KCTD1: variants seen among roughly 807,000 people sequenced by gnomAD.
The protein encoded by KCTD1 is BTB/POZ domain-containing protein KCTD1.
A neutral mutation model predicts 66.0 loss-of-function variants in KCTD1; 24 were observed. The ratio of observed to expected loss-of-function variants is 0.36; its 90% CI spans 0.26 to 0.51. The LOEUF (loss-of-function observed/expected upper bound fraction) is 0.51. Among genes scored for constraint, KCTD1 ranks in the 20% least tolerant of loss-of-function variants. The probability of loss-of-function intolerance (pLI) is 0.95; values close to 1 mark genes in which losing one functional copy is unlikely to be tolerated. For synonymous variants in KCTD1, 511 were observed against 517.2 expected (o/e 0.99, Z 0.16); for missense variants, 943 against 1,205.2 (o/e 0.78, Z 3.22).
chr18:26,476,797 T>C lies in KCTD1; in HGVS notation c.1989-138A>G. On this transcript the variant is annotated intron_variant, in intron 2 of 4. Transcript: ENST00000580059. This position sits in a 1 kb window ranked among gnomAD's most constrained non-coding sequence, Gnocchi z 4.9. ...GGAAAAATTACGATTGTCTGCAAAG[T>C]GTTGGTCCCCGCTTGATAAATATCT... is the stretch of plus-strand genomic sequence containing the variant. 5.8e-6 allele frequency: 4 copies of C among 693,912 alleles called. No homozygotes were observed. The highest frequency in any genetic ancestry group is 9.8e-6 in the Non-Finnish European group (4 of 407,778). 43.0% of individuals were successfully genotyped at this position (693,912 alleles called of 1,614,324 possible).
intron 3 of KCTD1, among the ~76,000 whole-genome samples, chr18:26,465,079 T>C (rs1030794916): frequency 2.0e-5 from 3 of 152,204 alleles, no homozygotes; most frequent in African/African-American, 2.4e-5. Context: ...TAATACTCCT[T>C]TGGGCTGGAA....
intron 1 of KCTD1, among the ~76,000 whole-genome samples, chr18:26,615,947 C>A (rs374417137): frequency 6.6e-6 from 1 of 151,978 alleles, no homozygotes; most frequent in East Asian, 1.9e-4. Flanking sequence ...TCCGCCACCA[C>A]GCCCTGCTAA....
upstream of KCTD1, among the ~76,000 whole-genome samples, chr18:26,633,717 G>A (rs1015689917): frequency 3.7e-4 from 56 of 152,188 alleles, no homozygotes; most frequent in African/African-American, 1.3e-3. Flanking sequence ...ATTTATAGAA[G>A]CACAAAAGCA....
At chr18:26,592,459 T>C (rs1986630242) in intron 1 of KCTD1, among the ~76,000 whole-genome samples, 1 of 151,984 alleles carries the variant, frequency 6.6e-6, no homozygotes, top group African/African-American at 2.4e-5. Flanking sequence ...TCTGTGCCCA[T>C]CATTCCATGT....
chr18:26,576,184 C>T (rs575167573), intron 1 of KCTD1, among the ~76,000 whole-genome samples: 4 of 152,250 alleles, frequency 2.6e-5, no homozygotes, highest in East Asian at 1.9e-4. Flanking sequence ...CACCGTGTCT[C>T]GTAATTGTAT....
chr18:26,547,356 T>C lies in KCTD1; in HGVS notation c.1181A>G (p.Tyr394Cys). 1 of 1,551,440 alleles carries C rather than the reference T, an allele frequency of 6.4e-7. No individual in the cohort carries two copies. Among genetic ancestry groups the C allele is most frequent in the Non-Finnish European group, 8.7e-7 (1 of 1,146,810 alleles). Reference protein sequence around the residue: ...EFCPYASFVKYLSKRNPLCKA... With the variant: ...EFCPYASFVKCLSKRNPLCKA... ...GCAGAGAGGGTTGCGTTTCGACAGG[T>C]ACTTGACGAAGCTGGCGTAGGGGCA... is the stretch of plus-strand genomic sequence containing the variant. The change falls in exon 1 of 5, where the codon TAC (tyrosine) becomes TGC (cysteine). Residue 394 changes from tyrosine to cysteine, a missense_variant. Coordinates refer to ENST00000580059, the MANE Select transcript of KCTD1 (RefSeq NM_001142730.3).
intron 1 of KCTD1, among the ~76,000 whole-genome samples, chr18:26,604,490 C>T (rs1986968836): frequency 6.6e-6 from 1 of 152,120 alleles, no homozygotes; most frequent in East Asian, 1.9e-4. Flanking sequence ...TTCACAATAG[C>T]AGGATATGGA....
At chr18:26,645,750 C>T (rs1226420732) in intron 1 of KCTD1, among the ~76,000 whole-genome samples, 2 of 152,090 alleles carry the variant, frequency 1.3e-5, no homozygotes, top group Non-Finnish European at 2.9e-5. Flanking sequence ...TCGACTTTAC[C>T]CCTAAAACAG....
chr18:26,514,328 G>C (rs1172322591), intron 1 of KCTD1, among the ~76,000 whole-genome samples: 4 of 152,058 alleles, frequency 2.6e-5, no homozygotes, highest in Non-Finnish European at 4.4e-5. Context: ...TGAAGTAGGA[G>C]GGCTGCTTGC....
chr18:26,548,724 A>C, upstream of KCTD1: 6 of 416,754 alleles, frequency 1.4e-5, no homozygotes, highest in Non-Finnish European at 1.1e-5. Flanking sequence ...GATGGAGGGG[A>C]GGGGGGAGGG....
chr18:26,513,576 C>T (rs889197160), intron 1 of KCTD1, among the ~76,000 whole-genome samples: 10 of 152,184 alleles, frequency 6.6e-5, no homozygotes, highest in South Asian at 6.2e-4. Flanking sequence ...AACATAGAGA[C>T]GAAGTTTTAG....
intron 1 of KCTD1, among the ~76,000 whole-genome samples, chr18:26,527,983 A>T (rs1258012188): frequency 6.6e-6 from 1 of 152,232 alleles, no homozygotes. Flanking sequence ...CTCTCTCTGC[A>T]TACAGGCACT....
At chr18:26,560,133 C>T (rs1323885749) in intron 1 of KCTD1, among the ~76,000 whole-genome samples, 1 of 124,218 alleles carries the variant, frequency 8.1e-6, no homozygotes, top group African/African-American at 3.0e-5. Flanking sequence ...ACCACCTTCC[C>T]CCCACCAGAA....
chr18:26,517,175 A>G (rs1355867501), intron 1 of KCTD1, among the ~76,000 whole-genome samples: 1 of 152,190 alleles, frequency 6.6e-6, no homozygotes, highest in African/African-American at 2.4e-5. Flanking sequence ...GTTTTAAAAA[A>G]TGACAAGAAG....
At position 26,547,625 on chromosome 18, in the gene KCTD1, G is replaced by A. The variant is rs1432577611; in HGVS notation, c.912C>T (p.Phe304=). 6.4e-7 allele frequency: 1 copy of A among 1,551,604 alleles called. No individual in the cohort carries two copies. The highest frequency in any genetic ancestry group is 8.7e-7 in the Non-Finnish European group (1 of 1,146,932). ...TSSVFSTNTP[F]GLLNKVWFET... ...CGAACCAGACCTTGTTGAGCAGCCCGAAGGGCGTGTTGGTGCTGAAGACGC... is the reference window on the plus strand; with the variant it reads ...CGAACCAGACCTTGTTGAGCAGCCCAAAGGGCGTGTTGGTGCTGAAGACGC... The change falls in exon 1 of 5, where the codon TTC becomes TTT. Residue 304 remains phenylalanine (F), a synonymous_variant. Transcript: ENST00000580059.
chr18:26,551,623 T>G (rs1335801190), upstream of KCTD1, among the ~76,000 whole-genome samples: 1 of 151,912 alleles, frequency 6.6e-6, no homozygotes, highest in East Asian at 1.9e-4. Context: ...AAAACAGATA[T>G]ATACCCTGCT....
chr18:26,471,264 T>C (rs939812149), intron 3 of KCTD1, among the ~76,000 whole-genome samples: 1 of 151,902 alleles, frequency 6.6e-6, no homozygotes, highest in Non-Finnish European at 1.5e-5. Context: ...TTCTGTAATC[T>C]ATAACACGCT....
chr18:26,517,998 A>G (rs1037680600), intron 1 of KCTD1, among the ~76,000 whole-genome samples: 11 of 152,214 alleles, frequency 7.2e-5, no homozygotes, highest in African/African-American at 2.7e-4. Flanking sequence ...GAAATATGGT[A>G]CTCAGAATCA....
chr18:26,550,571 C>CACACACAG (rs1555642099), upstream of KCTD1, among the ~76,000 whole-genome samples: 1 of 129,758 alleles, frequency 7.7e-6, no homozygotes, highest in Non-Finnish European at 1.6e-5. This position sits in a 1 kb window ranked among gnomAD's most constrained non-coding sequence, Gnocchi z 5.4. Context: ...CACAGACACA[C>CACACACAG]ACACACACAC....
Sources: gnomAD v4.1 joint callset for allele counts (sites outside exome capture counted in the v4.1 genomes callset) on GRCh38, gnomAD v4.1.1 for gene constraint, Gnocchi (gnomAD v3.1) non-coding constraint, MANE v1.5 for transcripts, NCBI Gene and HGNC (gene_info 2026-07-23, HGNC 2026-07-21) for gene names.